C10orf90: variants seen among roughly 807,000 people sequenced by gnomAD.
C10orf90 encodes the protein chromosome 10 open reading frame 90.
A neutral mutation model predicts 62.5 loss-of-function variants in C10orf90; 56 were observed. The ratio of observed to expected loss-of-function variants is 0.90; its 90% CI spans 0.72 to 1.12. The LOEUF (loss-of-function observed/expected upper bound fraction) is 1.12, where lower values mean the gene tolerates loss of function less well. C10orf90 is among the 50% of genes most tolerant of loss of function. C10orf90 has a pLI of 0.00. For synonymous variants in C10orf90, 386 were observed against 340.4 expected (o/e 1.13, Z -1.47); for missense variants, 970 against 880.4 (o/e 1.10, Z -1.29).
At chr10:126,628,589 G>GATCT (rs1460776230) in intron 2 of C10orf90, among the ~76,000 whole-genome samples, 6 of 152,172 alleles carry the variant, frequency 3.9e-5, no homozygotes, top group Non-Finnish European at 7.4e-5. Flanking sequence ...GATCTTGCTA[G>GATCT]AGGTCAGGCT....
rs1859330913 is a variant in C10orf90, at chr10:126,453,445, T to G, written c.2188+5595A>C. Among the ~76,000 whole-genome samples, 2 of 148,528 alleles carry G rather than the reference T, an allele frequency of 1.3e-5. No individual in the cohort carries two copies. Among genetic ancestry groups the G allele is most frequent in the South Asian group, 2.2e-4 (1 of 4,594 alleles). ...GGGAGTGAGAGGAGAGGAGAGGGAG[T>G]GAAGGGGAGAAAGAAGGATGGGAAT... On this transcript the variant is annotated intron_variant, in intron 7 of 9. Coordinates refer to ENST00000488181, the MANE Select transcript of C10orf90 (RefSeq NM_001350921.2). This position sits in a 1 kb window ranked among gnomAD's most constrained non-coding sequence, Gnocchi z 4.9.
rs1026530370 is a variant in C10orf90, at chr10:126,456,094, C to G, written c.2188+2946G>C. On this transcript the variant is annotated intron_variant, in intron 7 of 9. Coordinates refer to ENST00000488181, the MANE Select transcript of C10orf90 (RefSeq NM_001350921.2). The surrounding 1 kb of genome is among the most constrained non-coding windows in gnomAD (Gnocchi z 4.9). ...ACACTGTAGCCAAAGCTCGTTCACG[C>G]ATATGATTTATGAACTAATTTAGCA... Among the ~76,000 whole-genome samples, 4 of 152,364 alleles carry G rather than the reference C, an allele frequency of 2.6e-5. No homozygotes were observed. Among genetic ancestry groups the G allele is most frequent in the Admixed American group, 2.6e-4 (4 of 15,300 alleles).
chr10:126,604,852 C>A (rs1845273633), intron 2 of C10orf90, among the ~76,000 whole-genome samples: 1 of 152,156 alleles, frequency 6.6e-6, no homozygotes, highest in South Asian at 2.1e-4. Context: ...TAATAGGGCA[C>A]AAGAGGTATA....
chr10:126,489,988 T>C (rs1564827766), intron 4 of C10orf90, among the ~76,000 whole-genome samples: 1 of 109,940 alleles, frequency 9.1e-6, no homozygotes, highest in Non-Finnish European at 1.7e-5. Flanking sequence ...AATATATATA[T>C]AATATATATT....
chr10:126,661,415 C>T (rs1591182664), intron 1 of C10orf90, among the ~76,000 whole-genome samples: 1 of 152,130 alleles, frequency 6.6e-6, no homozygotes, highest in African/African-American at 2.4e-5. Flanking sequence ...TCAAAGAGAA[C>T]AAGAAAATTG....
At chr10:126,443,494 T>A (rs542621601) in intron 7 of C10orf90, among the ~76,000 whole-genome samples, 27 of 152,034 alleles carry the variant, frequency 1.8e-4, no homozygotes, top group African/African-American at 6.5e-4. Flanking sequence ...AACAGACCAA[T>A]AACAAGCAGC....
At position 126,533,912 on chromosome 10, in the gene C10orf90, C is replaced by T. The variant is rs147645994; in HGVS notation, c.314-19973G>A. On this transcript the variant is annotated intron_variant, in intron 2 of 9. Coordinates refer to ENST00000488181, the MANE Select transcript of C10orf90 (RefSeq NM_001350921.2). ...GGCTGAATTACAAATGCTGGATCTT[C>T]GGGAGTGGACCCAATCCAGAGTGTT... 3.0e-3 allele frequency among the ~76,000 whole-genome samples: 455 copies of T among 152,280 alleles called. 3 individuals carry two copies. The highest frequency in any genetic ancestry group is 3.8e-3 in the Non-Finnish European group (260 of 68,026).
intron 2 of C10orf90, among the ~76,000 whole-genome samples, chr10:126,617,116 C>T (rs1845556099): frequency 6.6e-6 from 1 of 152,194 alleles, no homozygotes; most frequent in Admixed American, 6.5e-5. Context: ...AGCAAAAACA[C>T]ATTGGGAATA....
At position 126,466,371 on chromosome 10, in the gene C10orf90, AACAC is replaced by A. The variant is rs10573171; in HGVS notation, c.1535-1389_1535-1386del. 1.7e-4 allele frequency among the ~76,000 whole-genome samples: 26 copies of A among 150,074 alleles called. 1 individual carries two copies. The highest frequency in any genetic ancestry group is 1.7e-3 in the South Asian group (8 of 4,716). On this transcript the variant is annotated intron_variant, in intron 4 of 9. Coordinates refer to ENST00000488181, the MANE Select transcript of C10orf90 (RefSeq NM_001350921.2). ...TACTAAAAACACACACACACACACA[AACAC>A]ACACACACACACACACAAAAGAATA...
intron 2 of C10orf90, among the ~76,000 whole-genome samples, chr10:126,571,813 A>G (rs1844512324): frequency 6.6e-6 from 1 of 152,106 alleles, no homozygotes; most frequent in Non-Finnish European, 1.5e-5. Context: ...AATAAACCCA[A>G]GACCTCAGGC....
At chr10:126,542,484 C>G (rs1201874865) in intron 2 of C10orf90, among the ~76,000 whole-genome samples, 1 of 151,878 alleles carries the variant, frequency 6.6e-6, no homozygotes, top group Admixed American at 6.6e-5. Context: ...GCCTGGGCGA[C>G]AGAGCGAGAC....
At chr10:126,628,979 A>C (rs1157093151) in intron 2 of C10orf90, among the ~76,000 whole-genome samples, 1 of 152,210 alleles carries the variant, frequency 6.6e-6, no homozygotes, top group Non-Finnish European at 1.5e-5. Context: ...TGGCCTTTAA[A>C]GAGATCTCTG....
intron 2 of C10orf90, among the ~76,000 whole-genome samples, chr10:126,558,397 C>G (rs1460392697): frequency 6.6e-6 from 1 of 152,178 alleles, no homozygotes; most frequent in African/African-American, 2.4e-5. Flanking sequence ...TCCTTGTGAT[C>G]TGATCCCACC....
At chr10:126,457,490 C>T (rs895570299) in intron 7 of C10orf90, among the ~76,000 whole-genome samples, 24 of 152,152 alleles carry the variant, frequency 1.6e-4, no homozygotes, top group Non-Finnish European at 1.9e-4. Context: ...GAACAGGTTC[C>T]CTAAGGTCTC....
chr10:126,606,354 C>T (rs539578634), intron 2 of C10orf90, among the ~76,000 whole-genome samples: 1 of 152,334 alleles, frequency 6.6e-6, no homozygotes, highest in African/African-American at 2.4e-5. Flanking sequence ...ATTGCCCTGA[C>T]ACCATCGGCT....
intron 2 of C10orf90, among the ~76,000 whole-genome samples, chr10:126,552,659 C>T (rs951513055): frequency 6.6e-5 from 10 of 152,338 alleles, no homozygotes; most frequent in Admixed American, 5.2e-4. Flanking sequence ...ATTTCCTTTC[C>T]GCTTTGCCAC....
intron 2 of C10orf90, among the ~76,000 whole-genome samples, chr10:126,559,612 G>A (rs965277069): frequency 6.6e-6 from 1 of 152,114 alleles, no homozygotes; most frequent in Admixed American, 6.5e-5. Flanking sequence ...TTCTGCCTCC[G>A]CCTGGTTGCT....
At chr10:126,596,138 T>TAAAAA (rs34919079) in intron 2 of C10orf90, among the ~76,000 whole-genome samples, 1 of 126,646 alleles carries the variant, frequency 7.9e-6, no homozygotes, top group African/African-American at 2.9e-5. Context: ...ATCTCTTATT[T>TAAAAA]AAAAAAAAAA....
intron 2 of C10orf90, among the ~76,000 whole-genome samples, chr10:126,613,104 C>T (rs116665996): frequency 2.0e-5 from 3 of 152,230 alleles, no homozygotes; most frequent in Admixed American, 1.3e-4. Flanking sequence ...ATACCTCTTA[C>T]AATTTGTATA....
Sources: gnomAD v4.1 joint callset for allele counts (sites outside exome capture counted in the v4.1 genomes callset) on GRCh38, gnomAD v4.1.1 for gene constraint, Gnocchi (gnomAD v3.1) non-coding constraint, MANE v1.5 for transcripts, NCBI Gene and HGNC (gene_info 2026-07-23, HGNC 2026-07-21) for gene names.